Variants in PAPPA2 observed in about 807,000 individuals in gnomAD.
PAPPA2 encodes the protein pappalysin 2.
PAPPA2 carries 86 observed loss-of-function variants against 176.4 expected under a neutral mutation model. The observed-to-expected ratio is 0.49, with a 90% CI of 0.41 to 0.58. The LOEUF (loss-of-function observed/expected upper bound fraction) is 0.58. PAPPA2 is among the 20% of genes least tolerant of loss of function. The pLI, the probability that PAPPA2 is intolerant of heterozygous loss-of-function variation, is 0.00. For synonymous variants in PAPPA2, 809 were observed against 852.2 expected (o/e 0.95, Z 0.88); for missense variants, 2,073 against 2,256.9 (o/e 0.92, Z 1.65).
At chr1:176,533,907 A>G (rs531184292) in intron 1 of PAPPA2, among the ~76,000 whole-genome samples, 1 of 152,346 alleles carries the variant, frequency 6.6e-6, no homozygotes, top group Admixed American at 6.5e-5. Flanking sequence ...TAGTCTGAAC[A>G]GAGACTTGCC....
intron 3 of PAPPA2, among the ~76,000 whole-genome samples, chr1:176,596,662 C>T (rs1394051442): frequency 6.6e-6 from 1 of 152,172 alleles, no homozygotes; most frequent in East Asian, 1.9e-4. Flanking sequence ...GAGATAGGGG[C>T]CCTTGTCTAT....
rs1286079759 is a variant in PAPPA2 at position 176,699,112 on chromosome 1, T to C, written c.2759T>C (p.Val920Ala). ...TPEEAVGPPD[V>A]DQPCEPSLQA... ...AATCTCCCCCCAGGGCCTCCTGATG[T>C]GGATCAGCCCTGCGAGCCAAGCTTA... The change falls in exon 8 of 23, where the codon GTG becomes GCG. Residue 920 changes from valine (V) to alanine (A), a missense_variant. Coordinates refer to ENST00000367662, the MANE Select transcript of PAPPA2 (RefSeq NM_020318.3). 6.2e-7 allele frequency: 1 copy of C among 1,611,454 alleles called. No individual in the cohort carries two copies. Among genetic ancestry groups the C allele is most frequent in the South Asian group, 1.1e-5 (1 of 90,944 alleles).
At chr1:176,575,360 A>G (rs1213741026) in intron 2 of PAPPA2, among the ~76,000 whole-genome samples, 1 of 152,192 alleles carries the variant, frequency 6.6e-6, no homozygotes, top group Admixed American at 6.5e-5. Context: ...TTTTAATATA[A>G]TCATTATAAT....
chr1:176,519,937 G>A (rs1249605666), intron 1 of PAPPA2, among the ~76,000 whole-genome samples: 1 of 152,168 alleles, frequency 6.6e-6, no homozygotes, highest in Non-Finnish European at 1.5e-5. Flanking sequence ...AGGTGAGCAA[G>A]GAGCAGAGAA....
At chr1:176,759,337 C>A (rs961901790) in intron 14 of PAPPA2, among the ~76,000 whole-genome samples, 9 of 152,126 alleles carry the variant, frequency 5.9e-5, no homozygotes, top group African/African-American at 1.9e-4. Context: ...TCATTTAATA[C>A]AAGAAATTTG....
At chr1:176,807,641 A>T (rs1298615960) in intron 21 of PAPPA2, among the ~76,000 whole-genome samples, 1 of 151,908 alleles carries the variant, frequency 6.6e-6, no homozygotes, top group Non-Finnish European at 1.5e-5. Flanking sequence ...GACTACAGGC[A>T]TGTGCCACCA....
At chr1:176,597,405 C>T (rs962429485) in intron 3 of PAPPA2, among the ~76,000 whole-genome samples, 1 of 152,068 alleles carries the variant, frequency 6.6e-6, no homozygotes, top group Non-Finnish European at 1.5e-5. Flanking sequence ...AGATAGCAAG[C>T]TTTTATTTAC....
chr1:176,567,919 C>A (rs1652083108), intron 2 of PAPPA2, among the ~76,000 whole-genome samples: 1 of 152,108 alleles, frequency 6.6e-6, no homozygotes, highest in African/African-American at 2.4e-5. Flanking sequence ...AGATATCAGG[C>A]CTAAAGTAGG....
At chr1:176,720,288 A>G (rs1661559118) in intron 12 of PAPPA2, among the ~76,000 whole-genome samples, 3 of 152,164 alleles carry the variant, frequency 2.0e-5, no homozygotes, top group Non-Finnish European at 4.4e-5. Context: ...CCTATACTGA[A>G]TAACATTTTA....
intron 3 of PAPPA2, among the ~76,000 whole-genome samples, chr1:176,658,081 G>A (rs968382116): frequency 2.0e-5 from 3 of 151,984 alleles, no homozygotes; most frequent in African/African-American, 7.2e-5. Flanking sequence ...TCCAGCTAAT[G>A]AAATAAGGAA....
intron 1 of PAPPA2, among the ~76,000 whole-genome samples, chr1:176,480,358 T>TGACCTG (rs1652336424): frequency 6.6e-6 from 1 of 152,184 alleles, no homozygotes; most frequent in African/African-American, 2.4e-5. Flanking sequence ...TTGGGCAGGC[T>TGACCTG]GACCTGGAAT....
chr1:176,732,334 A>G (rs546719688), intron 12 of PAPPA2, among the ~76,000 whole-genome samples: 11 of 152,310 alleles, frequency 7.2e-5, no homozygotes, highest in Non-Finnish European at 1.3e-4. Flanking sequence ...CCAGTAATGT[A>G]AGCCTTGTTT....
chr1:176,614,389 A>C (rs976072150), intron 3 of PAPPA2, among the ~76,000 whole-genome samples: 1 of 152,168 alleles, frequency 6.6e-6, no homozygotes, highest in African/African-American at 2.4e-5. Flanking sequence ...ATCTGGTGTT[A>C]AGTCATCCTT....
At chr1:176,754,840 C>G (rs930524324) in intron 14 of PAPPA2, among the ~76,000 whole-genome samples, 25 of 152,136 alleles carry the variant, frequency 1.6e-4, no homozygotes, top group Non-Finnish European at 3.1e-4. Context: ...CAGATTTGAC[C>G]GTAAGCTCTG....
intron 14 of PAPPA2, among the ~76,000 whole-genome samples, chr1:176,762,372 A>G (rs1663740335): frequency 6.6e-6 from 1 of 151,848 alleles, no homozygotes; most frequent in Non-Finnish European, 1.5e-5. Flanking sequence ...TGGCAGTCAT[A>G]ACAATAGTAG....
intron 14 of PAPPA2, among the ~76,000 whole-genome samples, chr1:176,746,226 A>C (rs1461942368): frequency 6.6e-6 from 1 of 152,216 alleles, no homozygotes; most frequent in Non-Finnish European, 1.5e-5. Flanking sequence ...AAATGTTTTC[A>C]TGGTCCAGCT....
intron 3 of PAPPA2, among the ~76,000 whole-genome samples, chr1:176,652,077 C>T (rs561305167): frequency 1.3e-5 from 2 of 151,154 alleles, no homozygotes; most frequent in Non-Finnish European, 3.0e-5. Flanking sequence ...ACTCAGTTTC[C>T]TTAATGCTGC....
At chr1:176,841,837 T>G (rs1667500989) in intron 22 of PAPPA2, among the ~76,000 whole-genome samples, 1 of 152,140 alleles carries the variant, frequency 6.6e-6, no homozygotes, top group Non-Finnish European at 1.5e-5. Context: ...TTCCTATTGT[T>G]CCAAGAGCAC....
At chr1:176,749,745 A>G (rs1270973956) in intron 14 of PAPPA2, among the ~76,000 whole-genome samples, 2 of 152,168 alleles carry the variant, frequency 1.3e-5, no homozygotes, top group African/African-American at 4.8e-5. Context: ...TTTGCAGATT[A>G]GCTTCTTTCA....
Sources: gnomAD v4.1 joint callset for allele counts (sites outside exome capture counted in the v4.1 genomes callset) on GRCh38, gnomAD v4.1.1 for gene constraint, MANE v1.5 for transcripts, NCBI Gene and HGNC (gene_info 2026-07-23, HGNC 2026-07-21) for gene names.